The following IFT172 variants were observed in gnomAD, a reference collection of about 807,000 sequenced individuals.
IFT172 encodes the protein intraflagellar transport protein 172 homolog.
In IFT172, 164 loss-of-function variants were observed where a neutral mutation model predicts 248.9. The observed-to-expected ratio is 0.66, with a 90% CI of 0.58 to 0.75. The LOEUF is 0.75. IFT172 is among the 30% of genes least tolerant of loss of function. The probability of loss-of-function intolerance (pLI) is 0.00; values close to 1 mark genes in which losing one functional copy is unlikely to be tolerated. For synonymous variants in IFT172, 729 were observed against 791.6 expected, an observed-to-expected ratio of 0.92 and a Z score of 1.33; for missense variants, 1,950 against 2,192.4, an observed-to-expected ratio of 0.89 and a Z score of 2.21.
intron 18 of IFT172, among the ~76,000 whole-genome samples, chr2:27,463,693 G>T (rs1201603205): frequency 6.6e-6 from 1 of 152,112 alleles, no homozygotes; most frequent in Non-Finnish European, 1.5e-5. Context: ...GTAGTTGGAG[G>T]TCTCTCTGAT....
At chr2:27,447,006 C>G (rs1665190675) in intron 42 of IFT172, among the ~76,000 whole-genome samples, 1 of 151,334 alleles carries the variant, frequency 6.6e-6, no homozygotes, top group East Asian at 1.9e-4. Flanking sequence ...GCCAACCTGG[C>G]TAATTTTTAT....
intron 47 of IFT172, 141 bp downstream of exon 47, chr2:27,444,873 T>A: frequency 1.2e-6 from 1 of 867,046 alleles, no homozygotes; most frequent in Non-Finnish European, 1.7e-6. Flanking sequence ...GGTCTCAAAC[T>A]CCTGACCTCA....
In IFT172 at chr2:27,445,826, A is replaced by T. The variant is rs1462283839; in HGVS notation, c.4833T>A (p.Thr1611=). 1.2e-6 allele frequency: 2 copies of T among 1,614,206 alleles called. No individual in the cohort carries two copies. The highest frequency in any genetic ancestry group is 1.7e-6 in the Non-Finnish European group (2 of 1,180,038). The stretch of plus-strand genomic sequence containing the variant: ...AATCAGAGTGGTCAAGGCCATCTAG[A>T]GTCCCTTCCTCGATTGCCTGCAGTA... The part of the protein sequence containing the change: ...LDLTDAIEEG[T]LDGLDHSDFQ... Residue 1611 remains threonine, a synonymous_variant, in exon 45 of 48, where the codon ACT becomes ACA. Transcript: ENST00000260570. The surrounding 1 kb of genome is among the most constrained non-coding windows in gnomAD (Gnocchi z 4.4).
At chr2:27,453,913 C>A in intron 33 of IFT172, 69 bp downstream of exon 33, 3 of 1,494,418 alleles carry the variant, frequency 2.0e-6, no homozygotes, top group South Asian at 2.4e-5. Flanking sequence ...TACCAGGGGT[C>A]AGTGTGGCTC....
In IFT172 at chr2:27,445,280, C is replaced by CT; in HGVS notation, c.5068+15dup. 1 of 1,604,526 alleles carries CT rather than the reference C, an allele frequency of 6.2e-7. No individual in the cohort carries two copies. Among genetic ancestry groups the CT allele is most frequent in the Non-Finnish European group, 8.5e-7 (1 of 1,174,104 alleles). On this transcript the variant is annotated intron_variant, in intron 46 of 47. Transcript: ENST00000260570. This position sits in a 1 kb window ranked among gnomAD's most constrained non-coding sequence, Gnocchi z 4.4. The stretch of plus-strand genomic sequence containing the variant: ...TCTACCCACCACAGGATCTGGGGTG[C>CT]TGTAGGCTTCTATACCTGTAATAAG...
In IFT172 at chr2:27,470,935, G is replaced by C. The variant is rs61743977; in HGVS notation, c.1685C>G (p.Thr562Ser). The C allele has an allele frequency of 6.0e-3, 9,691 of 1,603,214 alleles. 59 individuals carry two copies. Among genetic ancestry groups the C allele is most frequent in the Middle Eastern group, 0.039 (234 of 6,012 alleles). Residue 562 changes from threonine to serine, a missense_variant, in exon 16 of 48, where the codon ACT becomes AGT. Transcript: ENST00000260570. ...IEAPERVTMFTIRGDVIGLER... is the reference protein window; with the variant it reads ...IEAPERVTMFSIRGDVIGLER... ...CCCTAGTGTCCAACATACCCTAATAGTGAACATGGTGACTCTCTCAGGTGC... is the reference window on the plus strand; with the variant it reads ...CCCTAGTGTCCAACATACCCTAATACTGAACATGGTGACTCTCTCAGGTGC...
chr2:27,458,246 C>G, intron 26 of IFT172, 23 bp from the exon 27 acceptor site: 1 of 1,599,748 alleles, frequency 6.3e-7, no homozygotes, highest in Non-Finnish European at 8.6e-7. Flanking sequence ...AGAGGCAAGG[C>G]AGCCTCAGAT....
At chr2:27,455,450 T>A (rs1161405089) in intron 30 of IFT172, 4 of 239,666 alleles carry the variant, frequency 1.7e-5, no homozygotes, top group Non-Finnish European at 3.3e-5. Flanking sequence ...GGCTCACGCC[T>A]GTAATCCCAG....
chr2:27,457,886 C>T lies in IFT172; in HGVS notation c.3066G>A (p.Lys1022=), dbSNP rs1187626381. 6.2e-7 allele frequency: 1 copy of T among 1,614,152 alleles called. No homozygotes were observed. The highest frequency in any genetic ancestry group is 1.7e-5 in the Admixed American group (1 of 60,024). Reference sequence around the variant, plus strand: ...TATCACTGAGGAGATCTGGATGGTGCTTCCCTACCAGGCGGATCATGTCAT... The same window carrying T: ...TATCACTGAGGAGATCTGGATGGTGTTTCCCTACCAGGCGGATCATGTCAT... ...LYDDMIRLVG[K]HHPDLLSDTH... is the part of the protein sequence containing the mutation. The change falls in exon 28 of 48, where the codon AAG becomes AAA. Residue 1022 remains lysine (K), a synonymous_variant. Transcript: ENST00000260570.
chr2:27,485,160 A>G lies in IFT172; in HGVS notation c.184-30T>C, dbSNP rs564126396. The G allele has an allele frequency of 2.0e-5, 30 of 1,494,250 alleles. No individual in the cohort carries two copies. In the South Asian group the frequency reaches 3.1e-4, roughly 15 times the overall value. The allele number at this position is 1,494,250 out of a possible 1,614,324, so 92.6% of individuals were successfully genotyped here. A position where few individuals can be genotyped will look rare whatever the true frequency, so the allele number is the denominator to read the frequency against. ...GAGTTTAAAAAAAAAAAAAGAAAGA[A>G]AAAGAAGTAATGAGTACACATGAAA... On this transcript the variant is annotated intron_variant, in intron 2 of 47. Coordinates refer to ENST00000260570, the MANE Select transcript of IFT172 (RefSeq NM_015662.3).
chr2:27,444,885 G>A lies in IFT172; in HGVS notation c.5160+129C>T, dbSNP rs992062716. 9 of 957,802 alleles carry A rather than the reference G, an allele frequency of 9.4e-6. No homozygotes were observed. In the East Asian group the frequency reaches 1.5e-4, roughly 16 times the overall value. The allele number at this position is 957,802 out of a possible 1,614,324, so 59.3% of individuals were successfully genotyped here. A position where few individuals can be genotyped will look rare whatever the true frequency, so the allele number is the denominator to read the frequency against. On this transcript the variant is annotated intron_variant, in intron 47 of 47. Transcript: ENST00000260570. ...GCTGGTCTCAAACTCCTGACCTCAG[G>A]TGATCCGCCCACCTTGGCCTCCCAA...
chr2:27,466,803 G>A (rs1667116882), intron 16 of IFT172, among the ~76,000 whole-genome samples: 1 of 151,876 alleles, frequency 6.6e-6, no homozygotes, highest in Admixed American at 6.6e-5. Flanking sequence ...CTTGAGCTCA[G>A]GAGTTCAAGA....
intron 7 of IFT172, 113 bp downstream of exon 7, chr2:27,483,176 G>C (rs1360263297): frequency 4.3e-6 from 3 of 692,642 alleles, no homozygotes; most frequent in Non-Finnish European, 2.6e-6. Flanking sequence ...ACTAATTTTT[G>C]TATTTATTTT....
In IFT172 at chr2:27,461,489, C is replaced by T. The variant is rs1011923461; in HGVS notation, c.2222G>A (p.Arg741His). 18 of 1,613,960 alleles carry T rather than the reference C, an allele frequency of 1.1e-5. No individual in the cohort carries two copies. Among genetic ancestry groups the T allele is most frequent in the African/African-American group, 9.3e-5 (7 of 74,916 alleles). ...GTCCATCAGCCACTGGTAGTAACTACGACGTAGCTTCTCCAGGGCTGGGTG... is the reference window on the plus strand; with the variant it reads ...GTCCATCAGCCACTGGTAGTAACTATGACGTAGCTTCTCCAGGGCTGGGTG... ...KGHPALEKLRRSYYQWLMDTQ... is the reference protein window; with the variant it reads ...KGHPALEKLRHSYYQWLMDTQ... Residue 741 changes from arginine to histidine, a missense_variant, in exon 22 of 48, where the codon CGT becomes CAT. By Grantham distance (29) the Arg-to-His change is conservative. This residue lies in a region of IFT172 where 1,166 missense variants were observed against 1,254.1 expected (regional missense o/e 0.93). Coordinates refer to ENST00000260570, the MANE Select transcript of IFT172 (RefSeq NM_015662.3).
chr2:27,477,224 G>C lies in IFT172; in HGVS notation c.1318C>G (p.Leu440Val). Residue 440 changes from leucine (L) to valine (V), a missense_variant, in exon 13 of 48, where the codon CTC becomes GTC. Around this residue, in one of 3 missense-constraint regions of IFT172, gnomAD observed 1,166 missense variants for 1,254.1 expected, o/e 0.93. Transcript: ENST00000260570. Reference sequence around the variant, plus strand: ...AGAATCTTGTGAGGTTACCTGATGAGGTGGGGGTTCATGAATTCAGTGCGT... The same window carrying C: ...AGAATCTTGTGAGGTTACCTGATGACGTGGGGGTTCATGAATTCAGTGCGT... The part of the protein sequence containing the change: ...SVRTEFMNPH[L>V]ISVRINERCQ... 9 of 1,613,176 alleles carry C rather than the reference G, an allele frequency of 5.6e-6. No homozygotes were observed. The highest frequency in any genetic ancestry group is 6.8e-6 in the Non-Finnish European group (8 of 1,179,138).
intron 13 of IFT172, chr2:27,476,949 G>C (rs1302874589): frequency 6.8e-6 from 4 of 588,118 alleles, no homozygotes; most frequent in Non-Finnish European, 1.2e-5. Context: ...TCACCTTCCT[G>C]AGTAACTGGG....
At chr2:27,473,370 A>G (rs1667723254) in intron 14 of IFT172, among the ~76,000 whole-genome samples, 1 of 132,190 alleles carries the variant, frequency 7.6e-6, no homozygotes, top group Non-Finnish European at 1.7e-5. Context: ...ACTCTGTCTC[A>G]AAAAAAAAAA....
chr2:27,483,595 A>G lies in IFT172; in HGVS notation c.467T>C (p.Val156Ala), dbSNP rs1464945043. ...STIYGTESYV[V>A]SLTTNCSGKG... ...CTTTACTCACTTTGTTGTCAGGGACACCACGTAAGACTCTGTCCCATAGAT... is the reference window on the plus strand; with the variant it reads ...CTTTACTCACTTTGTTGTCAGGGACGCCACGTAAGACTCTGTCCCATAGAT... The change falls in exon 6 of 48, where the codon GTG becomes GCG. Residue 156 changes from valine (V) to alanine (A), a missense_variant. By Grantham distance (64) the Val-to-Ala change is moderately conservative. Around this residue, in one of 3 missense-constraint regions of IFT172, gnomAD observed 1,166 missense variants for 1,254.1 expected, o/e 0.93. Coordinates refer to ENST00000260570, the MANE Select transcript of IFT172 (RefSeq NM_015662.3). The G allele has an allele frequency of 1.2e-6, 2 of 1,614,136 alleles. No individual in the cohort carries two copies. The highest frequency in any genetic ancestry group is 1.7e-5 in the Admixed American group (1 of 60,014).
At chr2:27,452,939 G>T (rs923629003) in intron 35 of IFT172, among the ~76,000 whole-genome samples, 1 of 152,180 alleles carries the variant, frequency 6.6e-6, no homozygotes, top group Non-Finnish European at 1.5e-5. Flanking sequence ...TTCAGGAAAT[G>T]TTGGGTGGGG....
Sources: gnomAD v4.1 joint callset for allele counts (sites outside exome capture counted in the v4.1 genomes callset) on GRCh38, gnomAD v4.1.1 for gene constraint, gnomAD v4.1.1 regional missense constraint, Gnocchi (gnomAD v3.1) non-coding constraint, MANE v1.5 for transcripts, NCBI Gene and HGNC (gene_info 2026-07-23, HGNC 2026-07-21) for gene names.